SNX30: variants seen among roughly 807,000 people sequenced by gnomAD.
SNX30 encodes sorting nexin-30.
SNX30 carries 24 observed loss-of-function variants against 46.4 expected under a neutral mutation model. The observed-to-expected ratio is 0.52, with a 90% CI of 0.37 to 0.73. The LOEUF is 0.73. SNX30 is among the 30% of genes least tolerant of loss of function. The pLI is 0.00. For missense variants in SNX30, 533 were observed against 555.7 expected, an observed-to-expected ratio of 0.96 and a Z score of 0.41; for synonymous variants, 189 against 211.5, an observed-to-expected ratio of 0.89 and a Z score of 0.92.
intron 2 of SNX30, among the ~76,000 whole-genome samples, chr9:112,810,991 T>C (rs556998707): frequency 6.6e-6 from 1 of 152,274 alleles, no homozygotes; most frequent in Non-Finnish European, 1.5e-5. Flanking sequence ...GAGGGACCGA[T>C]GGCAGGGAGG....
intron 6 of SNX30, among the ~76,000 whole-genome samples, chr9:112,843,263 A>G (rs996186621): frequency 6.6e-6 from 1 of 152,212 alleles, no homozygotes; most frequent in African/African-American, 2.4e-5. Flanking sequence ...ACAAATATAC[A>G]ATGATTGCAC....
At chr9:112,759,456 A>G (rs2131348757) in intron 1 of SNX30, among the ~76,000 whole-genome samples, 1 of 152,222 alleles carries the variant, frequency 6.6e-6, no homozygotes, top group East Asian at 1.9e-4. Flanking sequence ...CGGGCCAGGC[A>G]TGGTGGCTCA....
chr9:112,866,149 T>TG (rs111954075), intron 8 of SNX30, among the ~76,000 whole-genome samples: 3 of 152,256 alleles, frequency 2.0e-5, no homozygotes, highest in Middle Eastern at 6.8e-3. Context: ...ACCAAATTGA[T>TG]AAACAGCAGG....
intron 2 of SNX30, among the ~76,000 whole-genome samples, chr9:112,813,319 A>C (rs532496498): frequency 6.7e-6 from 1 of 150,304 alleles, no homozygotes; most frequent in African/African-American, 2.4e-5. Flanking sequence ...CAAACAAAAA[A>C]ACCACCAAAA....
chr9:112,862,952 A>T (rs149871208), intron 7 of SNX30, among the ~76,000 whole-genome samples: 2 of 151,960 alleles, frequency 1.3e-5, no homozygotes. Context: ...TTAAATTTCC[A>T]GAGTGTCTAG....
chr9:112,854,147 G>T (rs1841081118), intron 7 of SNX30, among the ~76,000 whole-genome samples: 1 of 152,350 alleles, frequency 6.6e-6, no homozygotes, highest in South Asian at 2.1e-4. Context: ...GCCAGGAGCT[G>T]AAGGTTCGGA....
intron 1 of SNX30, among the ~76,000 whole-genome samples, chr9:112,772,856 CTCCTTGTG>C (rs1839673692): frequency 6.6e-6 from 1 of 152,204 alleles, no homozygotes; most frequent in Admixed American, 6.5e-5. Context: ...ATTTTAAATT[CTCCTTGTG>C]TTTAAATTAT....
chr9:112,788,083 A>C (rs787274), intron 1 of SNX30, among the ~76,000 whole-genome samples: 134,092 of 152,098 alleles, frequency 0.88, 59,329 homozygotes, highest in Middle Eastern at 0.93. Context: ...TAAAAGTGCA[A>C]GGCTTTTGCA....
At chr9:112,766,776 AG>A (rs536993128) in intron 1 of SNX30, among the ~76,000 whole-genome samples, 8 of 152,200 alleles carry the variant, frequency 5.3e-5, no homozygotes, top group Non-Finnish European at 1.2e-4. Flanking sequence ...TCCATGCTGT[AG>A]CATGTGACAG....
chr9:112,815,059 A>T (rs1488275903), intron 2 of SNX30, among the ~76,000 whole-genome samples: 1 of 152,208 alleles, frequency 6.6e-6, no homozygotes, highest in Non-Finnish European at 1.5e-5. Flanking sequence ...ATATGGAAAC[A>T]TATAAACCAT....
chr9:112,831,333 C>G (rs1408415445), intron 4 of SNX30, among the ~76,000 whole-genome samples: 1 of 152,114 alleles, frequency 6.6e-6, no homozygotes, highest in Admixed American at 6.5e-5. Context: ...CCACCCCATC[C>G]GGGGCCCCAC....
intron 1 of SNX30, among the ~76,000 whole-genome samples, chr9:112,777,337 T>A (rs1727548407): frequency 2.0e-5 from 3 of 152,172 alleles, no homozygotes; most frequent in Admixed American, 6.6e-5. Context: ...TGTATCTCAT[T>A]ACTTTTCACT....
intron 1 of SNX30, among the ~76,000 whole-genome samples, chr9:112,754,944 G>A (rs147094237): frequency 1.1e-4 from 16 of 152,140 alleles, no homozygotes; most frequent in Non-Finnish European, 2.2e-4. Context: ...TCACTTAGAC[G>A]TCCTCTGAAG....
chr9:112,852,964 T>C (rs1198605243), intron 7 of SNX30, among the ~76,000 whole-genome samples: 1 of 152,144 alleles, frequency 6.6e-6, no homozygotes, highest in Non-Finnish European at 1.5e-5. Context: ...TGGCTTTTTG[T>C]AGTGTCCTTA....
intron 2 of SNX30, among the ~76,000 whole-genome samples, chr9:112,808,289 C>G (rs1443480967): frequency 6.6e-6 from 1 of 152,250 alleles, no homozygotes; most frequent in Non-Finnish European, 1.5e-5. Context: ...CTTTGATGCT[C>G]TAGTCCTAAT....
intron 1 of SNX30, among the ~76,000 whole-genome samples, chr9:112,764,413 C>T (rs530166229): frequency 6.6e-6 from 1 of 152,182 alleles, no homozygotes; most frequent in South Asian, 2.1e-4. Flanking sequence ...TGGGGTCTCA[C>T]TCTTTTGGCC....
intron 1 of SNX30, among the ~76,000 whole-genome samples, 153 bp downstream of exon 1, chr9:112,751,310 C>A (rs1394328224): frequency 6.6e-6 from 1 of 152,214 alleles, no homozygotes; most frequent in Non-Finnish European, 1.5e-5. Context: ...CTCGGCGAAG[C>A]GTCTCCTCTG....
intron 2 of SNX30, among the ~76,000 whole-genome samples, chr9:112,817,401 C>CCTTTTTTTTTTTTTTTTTTTTTTTT (rs1840414195): frequency 2.1e-5 from 1 of 46,832 alleles, no homozygotes; most frequent in African/African-American, 9.7e-5. Flanking sequence ...AAAAAACTGG[C>CCTTTTTTTTTTTTTTTTTTTTTTTT]TTTTTTTTTT....
intron 2 of SNX30, among the ~76,000 whole-genome samples, chr9:112,812,251 A>G (rs1840331932): frequency 6.6e-6 from 1 of 152,064 alleles, no homozygotes; most frequent in South Asian, 2.1e-4. Flanking sequence ...GCAAGCATCC[A>G]TTTATTTATT....
Sources: allele counts gnomAD v4.1 joint callset (sites outside exome capture counted in the v4.1 genomes callset), GRCh38; gene constraint gnomAD v4.1.1; transcripts MANE v1.5; gene names NCBI Gene and HGNC (gene_info 2026-07-23, HGNC 2026-07-21).